The following ACOX3 variants were observed in gnomAD, a reference collection of about 807,000 sequenced individuals.
The protein encoded by ACOX3 is acyl-CoA oxidase 3, pristanoyl.
A neutral mutation model predicts 81.5 loss-of-function variants in ACOX3; 73 were observed. That is an observed-to-expected ratio of 0.90 (90% CI 0.74 to 1.09). ACOX3 has a LOEUF of 1.09. Ranked by LOEUF, ACOX3 falls within the 50% of genes least tolerant of loss-of-function variation. The pLI is 0.00. For missense variants in ACOX3, 947 were observed against 928.0 expected (o/e 1.02, Z -0.27); for synonymous variants, 387 against 375.1 (o/e 1.03, Z -0.37).
rs969804979 is a variant in ACOX3, at chr4:8,368,766, T to G, written c.1984-1686A>C. ...TTTTTTGAGATGAGGTCTCACCCTGTTGGCCAGGCTGGAGTGCAGTGGCGC... is the reference window on the plus strand; with the variant it reads ...TTTTTTGAGATGAGGTCTCACCCTGGTGGCCAGGCTGGAGTGCAGTGGCGC... On this transcript the variant is annotated intron_variant, in intron 17 of 17. Coordinates refer to ENST00000356406, the MANE Select transcript of ACOX3 (RefSeq NM_003501.3). The surrounding 1 kb of genome is among the most constrained non-coding windows in gnomAD (Gnocchi z 5.9). Among the ~76,000 whole-genome samples, 2 of 151,716 alleles carry G rather than the reference T, an allele frequency of 1.3e-5. No homozygotes were observed. Among genetic ancestry groups the G allele is most frequent in the African/African-American group, 4.9e-5 (2 of 41,230 alleles).
chr4:8,435,390 A>G (rs939148764), intron 1 of ACOX3, among the ~76,000 whole-genome samples: 7 of 152,172 alleles, frequency 4.6e-5, no homozygotes, highest in African/African-American at 1.4e-4. Flanking sequence ...CAGCTACTCA[A>G]GAGGCTGAGG....
Position 8,385,364 on chromosome 4 carries a change from G to A in ACOX3, c.1538-3757C>T, listed in dbSNP as rs1718184823. ...CACATGACCTCACTGTGCACTCCAC[G>A]TGACCTCACCACTCACCCCATGTGA... is the stretch of plus-strand genomic sequence containing the variant. On this transcript the variant is annotated intron_variant, in intron 13 of 17. Coordinates refer to ENST00000356406, the MANE Select transcript of ACOX3 (RefSeq NM_003501.3). This position sits in a 1 kb window ranked among gnomAD's most constrained non-coding sequence, Gnocchi z 5.5. Among the ~76,000 whole-genome samples, 2 of 151,826 alleles carry A rather than the reference G, an allele frequency of 1.3e-5. No individual in the cohort carries two copies. The highest frequency in any genetic ancestry group is 2.1e-4 in the South Asian group (1 of 4,804).
Position 8,430,740 on chromosome 4 carries a change from C to T in ACOX3, c.-15+9908G>A, listed in dbSNP as rs1723907984. 6.6e-6 allele frequency among the ~76,000 whole-genome samples: 1 copy of T among 152,166 alleles called. No individual in the cohort carries two copies. Among genetic ancestry groups the T allele is most frequent in the African/African-American group, 2.4e-5 (1 of 41,422 alleles). ...GCATGGTGGCGGGCGCCTGTAATCCCAGCTACTTGGGAGGCTGAGGCAAGA... is the reference window on the plus strand; with the variant it reads ...GCATGGTGGCGGGCGCCTGTAATCCTAGCTACTTGGGAGGCTGAGGCAAGA... On this transcript the variant is annotated intron_variant, in intron 1 of 17. Coordinates refer to ENST00000356406, the MANE Select transcript of ACOX3 (RefSeq NM_003501.3). This position sits in a 1 kb window ranked among gnomAD's most constrained non-coding sequence, Gnocchi z 5.2.
At position 8,416,397 on chromosome 4, in the gene ACOX3, T is replaced by C. The variant is rs746824545; in HGVS notation, c.125A>G (p.Glu42Gly). 6.2e-7 allele frequency: 1 copy of C among 1,614,114 alleles called. No individual in the cohort carries two copies. Among genetic ancestry groups the C allele is most frequent in the South Asian group, 1.1e-5 (1 of 91,076 alleles). Reference protein sequence around the residue: ...WKELALFTEGEGMLRFKKTIF... With the variant: ...WKELALFTEGGGMLRFKKTIF... ...CCTCACCTTAAAGCGGAGCATGCCC[T>C]CCCCTTCCGTGAACAGCGCCAGCTC... Residue 42 changes from glutamate to glycine, a missense_variant, in exon 2 of 18, where the codon GAG becomes GGG. Glu to Gly is a moderately conservative substitution (Grantham distance 98). Transcript: ENST00000356406. This position sits in a 1 kb window ranked among gnomAD's most constrained non-coding sequence, Gnocchi z 4.2.
At chr4:8,403,639 G>A (rs868025812) in intron 7 of ACOX3, among the ~76,000 whole-genome samples, 2 of 152,226 alleles carry the variant, frequency 1.3e-5, no homozygotes, top group Non-Finnish European at 2.9e-5. Flanking sequence ...ATAGGAGACC[G>A]TATTTCTGAG....
chr4:8,374,903 G>C (rs1716725397), intron 15 of ACOX3, 75 bp downstream of exon 15: 1 of 1,420,872 alleles, frequency 7.0e-7, no homozygotes, highest in African/African-American at 1.4e-5. Flanking sequence ...CGATGGTGCA[G>C]GAAGCAGCTT....
At position 8,432,126 on chromosome 4, in the gene ACOX3, T is replaced by C. The variant is rs1362052971; in HGVS notation, c.-15+8522A>G. Among the ~76,000 whole-genome samples the C allele has an allele frequency of 6.6e-6, 1 of 152,176 alleles. No homozygotes were observed. Among genetic ancestry groups the C allele is most frequent in the African/African-American group, 2.4e-5 (1 of 41,446 alleles). On this transcript the variant is annotated intron_variant, in intron 1 of 17. Coordinates refer to ENST00000356406, the MANE Select transcript of ACOX3 (RefSeq NM_003501.3). This position sits in a 1 kb window ranked among gnomAD's most constrained non-coding sequence, Gnocchi z 6.2. ...CCCCTAGTCACATCACATTAAGTGGTAGGCAGCTGAAAACGGTGTTGGGAA... is the reference window on the plus strand; with the variant it reads ...CCCCTAGTCACATCACATTAAGTGGCAGGCAGCTGAAAACGGTGTTGGGAA...
chr4:8,376,861 G>C (rs2108807754), intron 14 of ACOX3, among the ~76,000 whole-genome samples: 1 of 55,880 alleles, frequency 1.8e-5, no homozygotes, highest in African/African-American at 7.5e-5. Context: ...ACCCCAGCTA[G>C]GTAGGACTAG....
rs149168737 is a variant in ACOX3, at chr4:8,400,894, A to T, written c.777-1242T>A. ...TATTGTGCACTTTATTTCTATTATT[A>T]TTACATGGTAACACATAATGAAATG... On this transcript the variant is annotated intron_variant, in intron 7 of 17. Transcript: ENST00000356406. This position sits in a 1 kb window ranked among gnomAD's most constrained non-coding sequence, Gnocchi z 4.4. Among the ~76,000 whole-genome samples the T allele has an allele frequency of 1.6e-4, 24 of 152,190 alleles. No individual in the cohort carries two copies. Among genetic ancestry groups the T allele is most frequent in the African/African-American group, 5.3e-4 (22 of 41,488 alleles).
At chr4:8,371,047 G>A (rs1020943008) in intron 16 of ACOX3, 53 bp from the exon 17 acceptor site, 1 of 1,562,680 alleles carries the variant, frequency 6.4e-7, no homozygotes, top group Non-Finnish European at 8.8e-7. Flanking sequence ...TTTCCATGGT[G>A]ACCAAAGCAT....
In ACOX3 at chr4:8,423,583, C is replaced by T. The variant is rs1428413250; in HGVS notation, c.-14-7048G>A. ...TACTCCAATTTTAGGAGTACAGAAA[C>T]CCAATGGACAGTGGAGGTTAGTGCA... On this transcript the variant is annotated intron_variant, in intron 1 of 17. Coordinates refer to ENST00000356406, the MANE Select transcript of ACOX3 (RefSeq NM_003501.3). The surrounding 1 kb of genome is among the most constrained non-coding windows in gnomAD (Gnocchi z 4.2). 6.6e-6 allele frequency among the ~76,000 whole-genome samples: 1 copy of T among 152,092 alleles called. No homozygotes were observed. Among genetic ancestry groups the T allele is most frequent in the Non-Finnish European group, 1.5e-5 (1 of 68,024 alleles).
In ACOX3 at chr4:8,394,745, A is replaced by G; in HGVS notation, c.1057-3T>C. 1 of 1,612,500 alleles carries G rather than the reference A, an allele frequency of 6.2e-7. No homozygotes were observed. Among genetic ancestry groups the G allele is most frequent in the Non-Finnish European group, 8.5e-7 (1 of 1,179,266 alleles). ...AGATATGGAAGCAAGCGCCATTGCT[A>G]GAACAGACAAGACACCTGCGTGAAC... On this transcript the variant is annotated splice_region_variant and splice_polypyrimidine_tract_variant and intron_variant, in intron 9 of 17. Coordinates refer to ENST00000356406, the MANE Select transcript of ACOX3 (RefSeq NM_003501.3). The surrounding 1 kb of genome is among the most constrained non-coding windows in gnomAD (Gnocchi z 5.9).
At chr4:8,404,008 G>C (rs1720651934) in intron 7 of ACOX3, among the ~76,000 whole-genome samples, 1 of 152,190 alleles carries the variant, frequency 6.6e-6, no homozygotes, top group African/African-American at 2.4e-5. Flanking sequence ...CCCTGAAAGG[G>C]ATCAGCCGGG....
chr4:8,399,510 A>T lies in ACOX3; in HGVS notation c.873+46T>A. 6.6e-7 allele frequency: 1 copy of T among 1,512,546 alleles called. No homozygotes were observed. The highest frequency in any genetic ancestry group is 9.2e-7 in the Non-Finnish European group (1 of 1,089,620). 93.7% of individuals were successfully genotyped at this position (1,512,546 alleles called of 1,614,324 possible). On this transcript the variant is annotated intron_variant, in intron 8 of 17. Transcript: ENST00000356406. This position sits in a 1 kb window ranked among gnomAD's most constrained non-coding sequence, Gnocchi z 4.9. Reference sequence around the variant, plus strand: ...GCACAGAGCCAGGCCCTGCAGAGGAAGGCACCTGGGAAGCACGGCACACGA... The same window carrying T: ...GCACAGAGCCAGGCCCTGCAGAGGATGGCACCTGGGAAGCACGGCACACGA...
At chr4:8,356,572 C>A in the ACOX3 span, 4 of 456,614 alleles carry the variant, frequency 8.8e-6, no homozygotes, top group African/African-American at 4.0e-5. Context: ...ACCACACACA[C>A]GTACACAGAG....
At chr4:8,365,842 G>C (rs1392728928), downstream of ACOX3, among the ~76,000 whole-genome samples, 1 of 152,188 alleles carries the variant, frequency 6.6e-6, no homozygotes, top group South Asian at 2.1e-4. Context: ...AAACATTCTG[G>C]ACCATGCCCT....
intron 1 of ACOX3, among the ~76,000 whole-genome samples, chr4:8,420,033 T>C (rs1722761414): frequency 6.6e-6 from 1 of 152,236 alleles, no homozygotes; most frequent in South Asian, 2.1e-4. Context: ...GGTGACTGTG[T>C]TAAGCAGCTA....
At chr4:8,392,765 T>C (rs28551127) in intron 10 of ACOX3, among the ~76,000 whole-genome samples, 19,896 of 152,142 alleles carry the variant, frequency 0.13, 2,208 homozygotes, top group African/African-American at 0.3. Flanking sequence ...GCCCACTTTA[T>C]ATAAAGTTCA....
Position 8,410,210 on chromosome 4 carries a change from A to T in ACOX3, c.687+2T>A. The T allele has an allele frequency of 6.2e-7, 1 of 1,613,714 alleles. No homozygotes were observed. The highest frequency in any genetic ancestry group is 8.5e-7 in the Non-Finnish European group (1 of 1,179,768). On this transcript the variant is annotated splice_donor_variant, in intron 6 of 17. Coordinates refer to ENST00000356406, the MANE Select transcript of ACOX3 (RefSeq NM_003501.3). LOFTEE classifies it high-confidence loss of function. Reference sequence around the variant, plus strand: ...CCACTGAGGGCCACCCCAGCGTCCTACCTGCACGATAAAGGGATGCAGCCC... The same window carrying T: ...CCACTGAGGGCCACCCCAGCGTCCTTCCTGCACGATAAAGGGATGCAGCCC...
Sources: allele counts gnomAD v4.1 joint callset (sites outside exome capture counted in the v4.1 genomes callset), GRCh38; gene constraint gnomAD v4.1.1; non-coding constraint Gnocchi (gnomAD v3.1); transcripts MANE v1.5; gene names NCBI Gene and HGNC (gene_info 2026-07-23, HGNC 2026-07-21).